CFAP299: variants seen among roughly 807,000 people sequenced by gnomAD.
The protein encoded by CFAP299 is cilia- and flagella-associated protein 299.
A neutral mutation model predicts 27.0 loss-of-function variants in CFAP299; 21 were observed. That is an observed-to-expected ratio of 0.78 (90% confidence interval 0.55 to 1.12). CFAP299 has a LOEUF of 1.12. CFAP299 is among the 50% of genes most tolerant of loss of function. The pLI is 0.00. For missense variants in CFAP299, 310 were observed against 276.6 expected, an observed-to-expected ratio of 1.12 and a Z score of -0.86; for synonymous variants, 104 against 98.1, an observed-to-expected ratio of 1.06 and a Z score of -0.36.
At chr4:80,729,681 G>T (rs1578066895) in intron 3 of CFAP299, among the ~76,000 whole-genome samples, 2 of 135,896 alleles carry the variant, frequency 1.5e-5, no homozygotes, top group African/African-American at 5.5e-5. Context: ...CTCACTACAA[G>T]CTCCACCTTC....
intron 5 of CFAP299, among the ~76,000 whole-genome samples, chr4:80,948,052 G>A (rs1437093503): frequency 6.6e-6 from 1 of 152,112 alleles, no homozygotes; most frequent in Non-Finnish European, 1.5e-5. Context: ...TATTGTAAGA[G>A]CAACTCAGCT....
chr4:80,489,468 G>A (rs80301143), intron 2 of CFAP299, among the ~76,000 whole-genome samples: 2 of 64,282 alleles, frequency 3.1e-5, no homozygotes, highest in African/African-American at 2.8e-4. Flanking sequence ...CACAGAAGAC[G>A]AGATAATATG....
At chr4:80,796,502 G>C (rs1727869259) in intron 3 of CFAP299, among the ~76,000 whole-genome samples, 1 of 152,186 alleles carries the variant, frequency 6.6e-6, no homozygotes, top group Non-Finnish European at 1.5e-5. Flanking sequence ...CACTGAGGTA[G>C]GATGGTAAAT....
intron 3 of CFAP299, among the ~76,000 whole-genome samples, chr4:80,743,432 G>C (rs1724399402): frequency 6.6e-6 from 1 of 151,998 alleles, no homozygotes; most frequent in Admixed American, 6.6e-5. Context: ...TTTGACATCT[G>C]ATAAAATAGG....
chr4:80,329,906 C>T, the CFAP299 span, among the ~76,000 whole-genome samples: 1 of 152,230 alleles, frequency 6.6e-6, no homozygotes, highest in South Asian at 2.1e-4. Context: ...CTATTTCCAC[C>T]TCATCTCTGG....
At chr4:80,791,668 A>G (rs1370467325) in intron 3 of CFAP299, among the ~76,000 whole-genome samples, 1 of 151,972 alleles carries the variant, frequency 6.6e-6, no homozygotes, top group Non-Finnish European at 1.5e-5. Context: ...ACCCCTAAAT[A>G]TGTGCAAGCT....
intron 3 of CFAP299, among the ~76,000 whole-genome samples, chr4:80,646,982 A>AGT (rs1287814932): frequency 1.8e-4 from 12 of 65,856 alleles, no homozygotes; most frequent in Non-Finnish European, 3.5e-4. Context: ...AGAGAGAGAG[A>AGT]GAGAGAGTGT....
At chr4:80,683,936 A>C (rs1720008949) in intron 3 of CFAP299, among the ~76,000 whole-genome samples, 1 of 152,124 alleles carries the variant, frequency 6.6e-6, no homozygotes, top group African/African-American at 2.4e-5. Context: ...TTGAGTGTAC[A>C]TTTCTTCTAA....
intron 3 of CFAP299, among the ~76,000 whole-genome samples, chr4:80,646,186 A>G (rs1740001559): frequency 6.6e-6 from 1 of 152,156 alleles, no homozygotes; most frequent in Non-Finnish European, 1.5e-5. Context: ...AGCTGGTGCA[A>G]ATGCGTGTGT....
chr4:80,581,698 T>C (rs965317193), intron 2 of CFAP299, among the ~76,000 whole-genome samples: 1 of 151,550 alleles, frequency 6.6e-6, no homozygotes, highest in Non-Finnish European at 1.5e-5. Context: ...TTCCTATCCT[T>C]ACCATCACTT....
At chr4:80,398,866 T>G (rs896307230) in intron 2 of CFAP299, among the ~76,000 whole-genome samples, 1 of 152,272 alleles carries the variant, frequency 6.6e-6, no homozygotes, top group Non-Finnish European at 1.5e-5. Flanking sequence ...AAAGAGCTTC[T>G]GCACAGCAAA....
intron 4 of CFAP299, among the ~76,000 whole-genome samples, chr4:80,930,214 C>A (rs769900425): frequency 6.6e-6 from 1 of 152,156 alleles, no homozygotes; most frequent in Non-Finnish European, 1.5e-5. Context: ...GTTCAAAGGG[C>A]TTCTGGATAG....
At chr4:80,743,607 A>G (rs1368288376) in intron 3 of CFAP299, among the ~76,000 whole-genome samples, 1 of 152,212 alleles carries the variant, frequency 6.6e-6, no homozygotes, top group African/African-American at 2.4e-5. Context: ...TCAGCTGTTC[A>G]GTGGTATTTG....
chr4:80,518,884 G>C (rs1318832753), intron 2 of CFAP299, among the ~76,000 whole-genome samples: 1 of 151,922 alleles, frequency 6.6e-6, no homozygotes, highest in African/African-American at 2.4e-5. Flanking sequence ...CATATGGGTG[G>C]GTATAACAGG....
chr4:80,893,399 A>C (rs1734444850), intron 4 of CFAP299, among the ~76,000 whole-genome samples: 1 of 152,016 alleles, frequency 6.6e-6, no homozygotes, highest in African/African-American at 2.4e-5. Flanking sequence ...GAACTATGAA[A>C]AACGTCAAAT....
At chr4:80,643,069 G>A (rs535358474) in intron 3 of CFAP299, among the ~76,000 whole-genome samples, 3 of 152,094 alleles carry the variant, frequency 2.0e-5, no homozygotes, top group Non-Finnish European at 4.4e-5. Flanking sequence ...GGCCGAGAAA[G>A]GAGGATCGCT....
chr4:80,364,200 G>C (rs1405501551), intron 2 of CFAP299, among the ~76,000 whole-genome samples: 1 of 151,774 alleles, frequency 6.6e-6, no homozygotes, highest in Non-Finnish European at 1.5e-5. Flanking sequence ...AAATCCTGGT[G>C]TAGGCTGGAT....
intron 2 of CFAP299, among the ~76,000 whole-genome samples, chr4:80,478,032 G>A (rs1478778630): frequency 6.6e-6 from 1 of 152,052 alleles, no homozygotes; most frequent in African/African-American, 2.4e-5. Flanking sequence ...TTACTCTCCC[G>A]CTGTCCTAAA....
upstream of CFAP299, among the ~76,000 whole-genome samples, chr4:80,334,864 T>C (rs1483804257): frequency 6.6e-6 from 1 of 152,180 alleles, no homozygotes; most frequent in African/African-American, 2.4e-5. Flanking sequence ...AGCAAATCTG[T>C]GAAAATCTTC....
Sources: gnomAD v4.1 joint callset for allele counts (sites outside exome capture counted in the v4.1 genomes callset) on GRCh38, gnomAD v4.1.1 for gene constraint, MANE v1.5 for transcripts, NCBI Gene and HGNC (gene_info 2026-07-23, HGNC 2026-07-21) for gene names.